The following GASK1B variants were observed in gnomAD, a reference collection of about 807,000 sequenced individuals.
The protein encoded by GASK1B is golgi associated kinase 1B, also known as Golgi-associated kinase 1B.
Under a neutral mutation model 42.8 loss-of-function variants are expected in GASK1B, and 34 were observed. The observed-to-expected ratio is 0.79, with a 90% CI of 0.60 to 1.06. The LOEUF (loss-of-function observed/expected upper bound fraction) is 1.06. Among genes scored for constraint, GASK1B ranks in the 50% least tolerant of loss-of-function variants. The pLI is 0.00. For missense variants in GASK1B, 686 were observed against 661.0 expected, an observed-to-expected ratio of 1.04 and a Z score of -0.42; for synonymous variants, 262 against 259.1, an observed-to-expected ratio of 1.01 and a Z score of -0.11.
intron 3 of GASK1B, among the ~76,000 whole-genome samples, chr4:158,147,521 T>C (rs1055367026): frequency 6.6e-6 from 1 of 151,722 alleles, no homozygotes; most frequent in Non-Finnish European, 1.5e-5. Context: ...AGATGATCAC[T>C]TGAGCTGGGA....
intron 3 of GASK1B, among the ~76,000 whole-genome samples, chr4:158,151,180 G>A (rs765223054): frequency 1.3e-5 from 2 of 152,174 alleles, no homozygotes; most frequent in Admixed American, 6.5e-5. Flanking sequence ...ATTTATCAAA[G>A]GGAGAAAAGA....
intron 3 of GASK1B, among the ~76,000 whole-genome samples, chr4:158,143,285 T>C (rs1366737118): frequency 6.6e-6 from 1 of 152,222 alleles, no homozygotes; most frequent in African/African-American, 2.4e-5. Context: ...GGGTTTATTA[T>C]AATATCCCGT....
intron 2 of GASK1B, chr4:158,169,851 C>G (rs1732389433): frequency 5.4e-6 from 1 of 184,190 alleles, no homozygotes; most frequent in Non-Finnish European, 1.1e-5. Flanking sequence ...CTCAATAGAT[C>G]ATAGTCAGGG....
At chr4:158,142,278 A>G (rs1456454907) in intron 3 of GASK1B, among the ~76,000 whole-genome samples, 1 of 152,198 alleles carries the variant, frequency 6.6e-6, no homozygotes, top group Admixed American at 6.5e-5. Context: ...AAATACCATA[A>G]TGAGCAGTTC....
Position 158,127,405 on chromosome 4 carries a change from T to C in GASK1B, c.*2A>G, listed in dbSNP as rs2110917680. The stretch of plus-strand genomic sequence containing the variant: ...TAACACCCTAGCCAGAAGATTCTTT[T>C]GTCATTCATTCATAGGTAATACTTT... On this transcript the variant is annotated 3_prime_UTR_variant, in exon 5 of 5. Transcript: ENST00000585682. The C allele has an allele frequency of 6.2e-7, 1 of 1,610,348 alleles. No individual in the cohort carries two copies. The highest frequency in any genetic ancestry group is 8.5e-7 in the Non-Finnish European group (1 of 1,178,106).
At chr4:158,172,653 T>G (rs543609278) in intron 1 of GASK1B, 1 of 152,314 alleles carries the variant, frequency 6.6e-6, no homozygotes, top group Admixed American at 6.5e-5. Context: ...AATTTCCACT[T>G]ATTTTTAACC....
intron 3 of GASK1B, among the ~76,000 whole-genome samples, chr4:158,141,025 G>A (rs1428963210): frequency 6.6e-6 from 1 of 152,164 alleles, no homozygotes; most frequent in Non-Finnish European, 1.5e-5. Flanking sequence ...TATTTGATCA[G>A]ACATTTCCTT....
chr4:158,139,153 CA>C (rs1240932919), intron 3 of GASK1B, among the ~76,000 whole-genome samples: 1 of 152,164 alleles, frequency 6.6e-6, no homozygotes, highest in Non-Finnish European at 1.5e-5. Context: ...GTGTGGATTT[CA>C]AAAACATCCG....
chr4:158,165,994 C>A (rs1732217324), intron 2 of GASK1B, among the ~76,000 whole-genome samples: 1 of 152,104 alleles, frequency 6.6e-6, no homozygotes, highest in Admixed American at 6.6e-5. Context: ...TGCACACAAA[C>A]ATTTTAAGGC....
rs1453127582 is a variant in GASK1B at position 158,130,987 on chromosome 4, C to T, written c.1151G>A (p.Cys384Tyr). Residue 384 changes from cysteine (C) to tyrosine (Y), a missense_variant, in exon 4 of 5, where the codon TGC becomes TAC. Transcript: ENST00000585682. The stretch of plus-strand genomic sequence containing the variant: ...TTCCTTGCGAGGTCTGAATCCACAG[C>T]AATTTGTATCTAAGCGATTATAAAT... ...LQIYNRLDTN[C>Y]CGFRPRKEDA... 6.2e-7 allele frequency: 1 copy of T among 1,613,806 alleles called. No individual in the cohort carries two copies. Among genetic ancestry groups the T allele is most frequent in the South Asian group, 1.1e-5 (1 of 91,018 alleles).
chr4:158,142,748 A>G (rs1300376263), intron 3 of GASK1B, among the ~76,000 whole-genome samples: 1 of 152,218 alleles, frequency 6.6e-6, no homozygotes, highest in African/African-American at 2.4e-5. Flanking sequence ...AAAATAAATC[A>G]AATCTAAATT....
intron 4 of GASK1B, among the ~76,000 whole-genome samples, chr4:158,129,946 C>T (rs1264090172): frequency 6.6e-6 from 1 of 152,160 alleles, no homozygotes; most frequent in Non-Finnish European, 1.5e-5. Flanking sequence ...TAGCTGGGTT[C>T]TTGCCATTAC....
At position 158,126,779 on chromosome 4, in the gene GASK1B, T is replaced by A. The variant is rs1730468831; in HGVS notation, c.*628A>T. 1 of 152,152 alleles carries A rather than the reference T, an allele frequency of 6.6e-6. No individual in the cohort carries two copies. Among genetic ancestry groups the A allele is most frequent in the Non-Finnish European group, 1.5e-5 (1 of 68,014 alleles). 9.4% of individuals were successfully genotyped at this position (152,152 alleles called of 1,614,324 possible). A position where few individuals can be genotyped will look rare whatever the true frequency, so the allele number is the denominator to read the frequency against. On this transcript the variant is annotated 3_prime_UTR_variant, in exon 5 of 5. Coordinates refer to ENST00000585682, the MANE Select transcript of GASK1B (RefSeq NM_001128424.2). ...AACAAAATAAATTTCTAAAAAGGAA[T>A]GGAAAATATGATTCTTGTACTTAAA...
Position 158,162,082 on chromosome 4 carries a change from T to C in GASK1B, c.911-6257A>G, listed in dbSNP as rs77178898. On this transcript the variant is annotated intron_variant, in intron 2 of 4. Transcript: ENST00000585682. ...CGTTTTTCATAGTCTATTCTCTCTA[T>C]ACTTTCTGCACCCATCCCATCTCTC... Among the ~76,000 whole-genome samples, 1,225 of 152,280 alleles carry C rather than the reference T, an allele frequency of 8.0e-3. 15 individuals are homozygous for C. The highest frequency in any genetic ancestry group is 0.028 in the African/African-American group (1,161 of 41,560).
chr4:158,147,610 CAA>C (rs11337957), intron 3 of GASK1B, among the ~76,000 whole-genome samples: 165 of 128,690 alleles, frequency 1.3e-3, no homozygotes, highest in Non-Finnish European at 1.6e-3. Context: ...GACTCTGTCC[CAA>C]AAAAAAAAAA....
At chr4:158,168,265 T>C (rs1418140698) in intron 2 of GASK1B, 1 of 152,190 alleles carries the variant, frequency 6.6e-6, no homozygotes, top group Non-Finnish European at 1.5e-5. Context: ...ATCCAGGCTA[T>C]ATTGAGATCA....
In GASK1B at chr4:158,144,747, G is replaced by T. The variant is rs997543181; in HGVS notation, c.1125+10864C>A. Among the ~76,000 whole-genome samples the T allele has an allele frequency of 3.9e-5, 6 of 152,126 alleles. 1 individual carries two copies. Among genetic ancestry groups the T allele is most frequent in the Admixed American group, 3.9e-4 (6 of 15,286 alleles). ...TGACAACTAATCCCAGACTTTCTTT[G>T]CTACTTGAAGCCAAGGCAACATCCA... On this transcript the variant is annotated intron_variant, in intron 3 of 4. Coordinates refer to ENST00000585682, the MANE Select transcript of GASK1B (RefSeq NM_001128424.2).
At position 158,127,147 on chromosome 4, in the gene GASK1B, T is replaced by C. The variant is rs1730484741; in HGVS notation, c.*260A>G. On this transcript the variant is annotated 3_prime_UTR_variant, in exon 5 of 5. Transcript: ENST00000585682. ...AGAATAATAACTGAAATTTCTGTTG[T>C]CAGATGTTCAGACTGACACATAGCA... is the stretch of plus-strand genomic sequence containing the variant. 1 of 281,342 alleles carries C rather than the reference T, an allele frequency of 3.6e-6. No homozygotes were observed. Among genetic ancestry groups the C allele is most frequent in the Non-Finnish European group, 6.6e-6 (1 of 151,464 alleles). The allele number at this position is 281,342 out of a possible 1,614,324, so 17.4% of individuals were successfully genotyped here.
intron 3 of GASK1B, among the ~76,000 whole-genome samples, chr4:158,154,825 G>A: frequency 6.6e-6 from 1 of 152,126 alleles, no homozygotes; most frequent in Non-Finnish European, 1.5e-5. Flanking sequence ...AAAGGCATAA[G>A]AATGATACAA....
Sources: allele counts gnomAD v4.1 joint callset (sites outside exome capture counted in the v4.1 genomes callset), GRCh38; gene constraint gnomAD v4.1.1; transcripts MANE v1.5; gene names NCBI Gene and HGNC (gene_info 2026-07-23, HGNC 2026-07-21).